SH3BGRL: variants seen among roughly 807,000 people sequenced by gnomAD.
The protein encoded by SH3BGRL is SH3 domain binding glutamate rich protein like, also known as adapter SH3BGRL.
Under a neutral mutation model 9.8 loss-of-function variants are expected in SH3BGRL, and 7 were observed. The observed-to-expected ratio is 0.72, with a 90% CI of 0.41 to 1.35. SH3BGRL has a LOEUF of 1.35. Among genes scored for constraint, SH3BGRL ranks in the 40% most tolerant of loss-of-function variants. The pLI is 0.01. For missense variants in SH3BGRL, 73 were observed against 84.4 expected, an observed-to-expected ratio of 0.86 and a Z score of 0.53; for synonymous variants, 36 against 29.1, an observed-to-expected ratio of 1.24 and a Z score of -0.76.
chrX:81,241,910 A>G (rs1256146826), intron 1 of SH3BGRL, among the ~76,000 whole-genome samples: 1 of 112,378 alleles, frequency 8.9e-6, no homozygotes. Context: ...TGCCTGCCCG[A>G]CAGCAGAAGC....
At chrX:81,270,905 A>G (rs1312095227) in intron 1 of SH3BGRL, among the ~76,000 whole-genome samples, 1 of 111,827 alleles carries the variant, frequency 8.9e-6, no homozygotes, top group Non-Finnish European at 1.9e-5. Context: ...CTGCCCTGCC[A>G]CTTTGTTTAC....
chrX:81,266,636 G>A (rs1346724889), intron 1 of SH3BGRL, among the ~76,000 whole-genome samples: 1 of 111,715 alleles, frequency 9.0e-6, no homozygotes, highest in East Asian at 2.8e-4. Flanking sequence ...AAGTCAGATA[G>A]TGTGATGCCT....
chrX:81,282,075 G>C (rs2075819273), intron 3 of SH3BGRL, among the ~76,000 whole-genome samples: 1 of 112,111 alleles, frequency 8.9e-6, no homozygotes, highest in Admixed American at 9.4e-5. Context: ...AGTGGTAAAA[G>C]AGACAAAGAG....
At chrX:81,224,050 T>C (rs770904696) in intron 1 of SH3BGRL, among the ~76,000 whole-genome samples, 41 of 111,564 alleles carry the variant, frequency 3.7e-4, no homozygotes, top group African/African-American at 1.2e-3. Context: ...TGATAGTTGA[T>C]AGTGTTATAA....
At chrX:81,263,833 T>A (rs200558540) in intron 1 of SH3BGRL, among the ~76,000 whole-genome samples, 5 of 110,397 alleles carry the variant, frequency 4.5e-5, no homozygotes, top group African/African-American at 9.9e-5. Flanking sequence ...TTCTTGTCTG[T>A]TTTTTTTGTA....
At chrX:81,295,272 C>A (rs1380364192) in intron 3 of SH3BGRL, among the ~76,000 whole-genome samples, 1 of 111,693 alleles carries the variant, frequency 9.0e-6, no homozygotes, top group East Asian at 2.8e-4. Context: ...AGTTTTATTT[C>A]TATAATTTTC....
intron 3 of SH3BGRL, among the ~76,000 whole-genome samples, chrX:81,291,784 AGG>A (rs1293344406): frequency 8.9e-6 from 1 of 112,223 alleles, no homozygotes; most frequent in African/African-American, 3.2e-5. Flanking sequence ...CTATTACAAA[AGG>A]GGGAAATTGG....
At chrX:81,231,238 C>T (rs889549979) in intron 1 of SH3BGRL, among the ~76,000 whole-genome samples, 16 of 112,256 alleles carry the variant, frequency 1.4e-4, no homozygotes, top group African/African-American at 4.2e-4. Flanking sequence ...TTTCATCAGA[C>T]GCATGTCTAA....
At chrX:81,251,140 A>C (rs1339636397) in intron 1 of SH3BGRL, among the ~76,000 whole-genome samples, 3 of 112,210 alleles carry the variant, frequency 2.7e-5, no homozygotes, top group Non-Finnish European at 3.8e-5. Context: ...CGTTTTATGA[A>C]AATTACTCGT....
At chrX:81,217,526 GAAGACTATT>G (rs768719511) in intron 1 of SH3BGRL, among the ~76,000 whole-genome samples, 38 of 111,534 alleles carry the variant, frequency 3.4e-4, no homozygotes, top group Non-Finnish European at 6.2e-4. Context: ...TCATTCAGGA[GAAGACTATT>G]TAATTTTCAT....
chrX:81,255,635 T>G (rs2075723652), intron 1 of SH3BGRL: 1 of 112,364 alleles, frequency 8.9e-6, no homozygotes, highest in African/African-American at 3.2e-5. Context: ...TTTGAGGGCT[T>G]GCTTCACAGT....
At chrX:81,224,811 T>TTTG (rs745700925) in intron 1 of SH3BGRL, among the ~76,000 whole-genome samples, 2 of 111,694 alleles carry the variant, frequency 1.8e-5, no homozygotes, top group African/African-American at 3.2e-5. Context: ...TTCAATCTTT[T>TTTG]TTGTTGTTGT....
At chrX:81,219,691 C>T (rs957911169) in intron 1 of SH3BGRL, among the ~76,000 whole-genome samples, 1 of 111,290 alleles carries the variant, frequency 9.0e-6, no homozygotes, top group Non-Finnish European at 1.9e-5. Flanking sequence ...ACATCTTTGT[C>T]GTGTACCAGA....
chrX:81,263,445 T>A (rs1339525821), intron 1 of SH3BGRL, among the ~76,000 whole-genome samples: 1 of 112,050 alleles, frequency 8.9e-6, no homozygotes, highest in Admixed American at 9.4e-5. Flanking sequence ...AACAACTGTC[T>A]TGGCATGTAC....
chrX:81,222,140 C>T (rs1310050332), intron 1 of SH3BGRL, among the ~76,000 whole-genome samples: 1 of 112,190 alleles, frequency 8.9e-6, no homozygotes, highest in Non-Finnish European at 1.9e-5. Flanking sequence ...AGAAATCTGG[C>T]TGACCATTGA....
At chrX:81,229,462 G>A (rs190880530) in intron 1 of SH3BGRL, among the ~76,000 whole-genome samples, 36 of 111,658 alleles carry the variant, frequency 3.2e-4, no homozygotes, top group Non-Finnish European at 4.5e-4. Flanking sequence ...CAGAAGAATC[G>A]GATCACATGT....
chrX:81,295,573 C>G (rs1300641439), intron 3 of SH3BGRL, among the ~76,000 whole-genome samples: 1 of 111,269 alleles, frequency 9.0e-6, no homozygotes, highest in Non-Finnish European at 1.9e-5. Context: ...CAGACTAATA[C>G]AGCCACATTC....
rs1453505934 is a variant in SH3BGRL, at chrX:81,298,470, T to TG, written c.*1244dup. On this transcript the variant is annotated 3_prime_UTR_variant, in exon 4 of 4. Coordinates refer to ENST00000373212, the MANE Select transcript of SH3BGRL (RefSeq NM_003022.3). ...ACTTTTTGCCAAAATCAACATATAA[T>TG]GAAGAGATGCCTTTGTTTCATGAGA... 9.0e-6 allele frequency: 1 copy of TG among 111,445 alleles called. No individual in the cohort carries two copies. The highest frequency in any genetic ancestry group is 1.9e-5 in the Non-Finnish European group (1 of 52,793). 9.2% of individuals were successfully genotyped at this position (111,445 alleles called of 1,213,427 possible). A position where few individuals can be genotyped will look rare whatever the true frequency, so the allele number is the denominator to read the frequency against.
At chrX:81,211,436 A>G (rs1024031298) in intron 1 of SH3BGRL, among the ~76,000 whole-genome samples, 7 of 111,103 alleles carry the variant, frequency 6.3e-5, no homozygotes, top group Non-Finnish European at 1.3e-4. Context: ...ATACAAAAAA[A>G]ATTAGCCGGG....
Sources: allele counts gnomAD v4.1 joint callset (sites outside exome capture counted in the v4.1 genomes callset), GRCh38; gene constraint gnomAD v4.1.1; transcripts MANE v1.5; gene names NCBI Gene and HGNC (gene_info 2026-07-23, HGNC 2026-07-21).